Variants in FAM120A observed in about 807,000 individuals in gnomAD.
FAM120A encodes constitutive coactivator of PPAR-gamma-like protein 1.
A neutral mutation model predicts 109.7 loss-of-function variants in FAM120A; 15 were observed. The ratio of observed to expected loss-of-function variants is 0.14; its 90% CI spans 0.09 to 0.21. The LOEUF is 0.21. Among genes scored for constraint, FAM120A ranks in the 10% least tolerant of loss-of-function variants. FAM120A has a pLI of 1.00. For synonymous variants in FAM120A, 493 were observed against 572.8 expected, an observed-to-expected ratio of 0.86 and a Z score of 1.99; for missense variants, 899 against 1,439.3, an observed-to-expected ratio of 0.62 and a Z score of 6.07.
At chr9:93,482,455 T>A (rs1221220414) in intron 3 of FAM120A, among the ~76,000 whole-genome samples, 1 of 152,154 alleles carries the variant, frequency 6.6e-6, no homozygotes, top group East Asian at 1.9e-4. Flanking sequence ...CCTGCCAAAG[T>A]GCTAAGATTA....
At chr9:93,529,278 G>T in intron 8 of FAM120A, 75 bp from the exon 9 acceptor site, 1 of 1,327,400 alleles carries the variant, frequency 7.5e-7, no homozygotes, top group South Asian at 1.5e-5. Context: ...CAGGTGAACA[G>T]GCACCTACCA....
intron 3 of FAM120A, among the ~76,000 whole-genome samples, chr9:93,491,139 C>T (rs750898224): frequency 3.0e-4 from 45 of 152,346 alleles, no homozygotes; most frequent in Admixed American, 9.8e-4. Flanking sequence ...CCAGCCAGTG[C>T]TCCCAGCACC....
intron 1 of FAM120A, among the ~76,000 whole-genome samples, chr9:93,459,732 AT>A (rs11346134): frequency 0.24 from 36,214 of 152,104 alleles, 5,395 homozygotes; most frequent in African/African-American, 0.43. Flanking sequence ...GCCTGGAGGC[AT>A]TTTTGGTTGT....
At chr9:93,557,014 T>C (rs1862305245) in intron 13 of FAM120A, among the ~76,000 whole-genome samples, 1 of 152,170 alleles carries the variant, frequency 6.6e-6, no homozygotes, top group African/African-American at 2.4e-5. Context: ...CAGTAGCTTC[T>C]GTAACACGTA....
chr9:93,523,476 A>AC, intron 7 of FAM120A: 1 of 376,496 alleles, frequency 2.7e-6, no homozygotes, highest in Non-Finnish European at 4.7e-6. Flanking sequence ...GTTTTGACAC[A>AC]TGGTACCATT....
chr9:93,476,156 T>C (rs972175789), intron 2 of FAM120A, 100 bp from the exon 3 acceptor site: 12 of 712,026 alleles, frequency 1.7e-5, no homozygotes, highest in Non-Finnish European at 2.9e-5. Context: ...AGTTTCTGTT[T>C]GAAAGTTTTC....
chr9:93,459,395 C>G (rs760435915), intron 1 of FAM120A, among the ~76,000 whole-genome samples: 3 of 152,136 alleles, frequency 2.0e-5, no homozygotes, highest in Non-Finnish European at 2.9e-5. Context: ...GATCAATGGC[C>G]ATTACTTAAG....
rs1388790136 is a variant in FAM120A at position 93,452,471 on chromosome 9, C to T, written c.474+82C>T. 1 of 1,543,586 alleles carries T rather than the reference C, an allele frequency of 6.5e-7. No individual in the cohort carries two copies. Among genetic ancestry groups the T allele is most frequent in the African/African-American group, 1.4e-5 (1 of 73,152 alleles). ...CCTTCCCAGGGCGCAGAATGTCGCC[C>T]GGCCGTGGCGGCGCTGGGGGCAGCG... On this transcript the variant is annotated intron_variant, in intron 1 of 17. Transcript: ENST00000277165. This position sits in a 1 kb window ranked among gnomAD's most constrained non-coding sequence, Gnocchi z 7.0.
chr9:93,546,779 A>G (rs1242709045), intron 11 of FAM120A, among the ~76,000 whole-genome samples: 1 of 152,222 alleles, frequency 6.6e-6, no homozygotes, highest in African/African-American at 2.4e-5. Flanking sequence ...TTACAAACAC[A>G]GGTAGCCAGC....
chr9:93,470,345 T>G (rs1467573828), intron 1 of FAM120A, among the ~76,000 whole-genome samples: 1 of 152,224 alleles, frequency 6.6e-6, no homozygotes, highest in Non-Finnish European at 1.5e-5. Flanking sequence ...TGGTATATTT[T>G]TTGGACTAGA....
At position 93,451,904 on chromosome 9, in the gene FAM120A, C is replaced by G; in HGVS notation, c.-12C>G. 2 of 1,273,586 alleles carry G rather than the reference C, an allele frequency of 1.6e-6. No individual in the cohort carries two copies. Among genetic ancestry groups the G allele is most frequent in the Non-Finnish European group, 2.0e-6 (2 of 1,015,032 alleles). 78.9% of individuals were successfully genotyped at this position (1,273,586 alleles called of 1,614,324 possible). The stretch of plus-strand genomic sequence containing the variant: ...CCCCGCCCGCACCCGCGCCCGCGCC[C>G]CCGCCGCCGCCATGGGCGTGCAGGG... On this transcript the variant is annotated 5_prime_UTR_variant, in exon 1 of 18. Transcript: ENST00000277165.
intron 5 of FAM120A, among the ~76,000 whole-genome samples, chr9:93,502,937 C>T (rs1859870252): frequency 6.6e-6 from 1 of 152,224 alleles, no homozygotes; most frequent in South Asian, 2.1e-4. Flanking sequence ...TGAGGTCTCA[C>T]CTCAGATCTG....
At chr9:93,491,604 T>G (rs1045648027) in intron 3 of FAM120A, among the ~76,000 whole-genome samples, 8 of 152,210 alleles carry the variant, frequency 5.3e-5, no homozygotes, top group African/African-American at 1.7e-4. Flanking sequence ...GTAGGTTGAA[T>G]CTTTCAAAGG....
chr9:93,486,465 A>G (rs1028836696), intron 3 of FAM120A, among the ~76,000 whole-genome samples: 2 of 151,384 alleles, frequency 1.3e-5, no homozygotes, highest in African/African-American at 4.9e-5. Context: ...TATGGCTGGG[A>G]GTAGAATTGC....
rs773190152 is a variant in FAM120A at position 93,564,437 on chromosome 9, C to G, written c.3254C>G (p.Ser1085Cys). ...TCTGAAAGTGCCTTGAATAATGACT[C>G]TAAAACGTGCAATACAAATCCTCAT... ...SHSESALNND[S>C]KTCNTNPHLN... Residue 1085 changes from serine to cysteine, a missense_variant, in exon 18 of 18, where the codon TCT becomes TGT. Physicochemically the swap from Ser to Cys is moderately radical, Grantham distance 112. This residue lies in a region of FAM120A where 170 missense variants were observed against 205.0 expected (regional missense o/e 0.83). Transcript: ENST00000277165. The G allele has an allele frequency of 9.3e-6, 15 of 1,614,142 alleles. No individual in the cohort carries two copies. Among genetic ancestry groups the G allele is most frequent in the African/African-American group, 1.3e-5 (1 of 74,948 alleles).
At chr9:93,480,211 A>T (rs1318386922) in intron 3 of FAM120A, among the ~76,000 whole-genome samples, 2 of 152,226 alleles carry the variant, frequency 1.3e-5, no homozygotes, top group Admixed American at 6.5e-5. Context: ...TACTTCATTT[A>T]TGTTCAGAAC....
intron 2 of FAM120A, among the ~76,000 whole-genome samples, chr9:93,474,512 A>G (rs1222656256): frequency 2.0e-5 from 3 of 152,174 alleles, no homozygotes; most frequent in African/African-American, 7.2e-5. Context: ...CCAATTTTTC[A>G]CAGGGACTGT....
In FAM120A at chr9:93,516,090, G is replaced by A. The variant is rs763792283; in HGVS notation, c.1239G>A (p.Thr413=). ...TGGACACGAGCGGGAAGAATCTGACGGAGCAGAACAGCTACAGCAACATTC... is the reference window on the plus strand; with the variant it reads ...TGGACACGAGCGGGAAGAATCTGACAGAGCAGAACAGCTACAGCAACATTC... The part of the protein sequence containing the change: ...LTLDTSGKNL[T]EQNSYSNIPH... The change falls in exon 7 of 18, where the codon ACG becomes ACA. Residue 413 remains threonine, a synonymous_variant. Coordinates refer to ENST00000277165, the MANE Select transcript of FAM120A (RefSeq NM_014612.5). 3.2e-5 allele frequency: 51 copies of A among 1,612,648 alleles called. No individual in the cohort carries two copies. Among genetic ancestry groups the A allele is most frequent in the East Asian group, 8.9e-5 (4 of 44,788 alleles).
chr9:93,453,105 C>T, intron 1 of FAM120A: 7 of 1,028,648 alleles, frequency 6.8e-6, no homozygotes, highest in Non-Finnish European at 8.2e-6. Flanking sequence ...TGAAAGAGGT[C>T]TTTAAGGCAG....
Sources: gnomAD v4.1 joint callset for allele counts (sites outside exome capture counted in the v4.1 genomes callset) on GRCh38, gnomAD v4.1.1 for gene constraint, gnomAD v4.1.1 regional missense constraint, Gnocchi (gnomAD v3.1) non-coding constraint, MANE v1.5 for transcripts, NCBI Gene and HGNC (gene_info 2026-07-23, HGNC 2026-07-21) for gene names.